MAP2K6: variants seen among roughly 807,000 people sequenced by gnomAD.
MAP2K6 encodes dual specificity mitogen-activated protein kinase kinase 6.
In MAP2K6, 16 loss-of-function variants were observed where a neutral mutation model predicts 53.7. That is an observed-to-expected ratio of 0.30 (90% confidence interval 0.20 to 0.45). The LOEUF (loss-of-function observed/expected upper bound fraction) is 0.45, where lower values mean the gene tolerates loss of function less well. Among genes scored for constraint, MAP2K6 ranks in the 20% least tolerant of loss-of-function variants. The probability of loss-of-function intolerance (pLI) is 1.00; values close to 1 mark genes in which losing one functional copy is unlikely to be tolerated. For synonymous variants in MAP2K6, 132 were observed against 143.1 expected (o/e 0.92, Z 0.55); for missense variants, 204 against 411.9 (o/e 0.50, Z 4.37).
intron 1 of MAP2K6, among the ~76,000 whole-genome samples, chr17:69,439,407 G>A (rs1906749365): frequency 6.6e-6 from 1 of 152,126 alleles, no homozygotes; most frequent in Non-Finnish European, 1.5e-5. Flanking sequence ...TCTATTCTGA[G>A]AAATAACAAT....
In MAP2K6 at chr17:69,426,122, C is replaced by G. The variant is rs1906269126; in HGVS notation, c.16+11122C>G. Among the ~76,000 whole-genome samples, 3 of 152,346 alleles carry G rather than the reference C, an allele frequency of 2.0e-5. No individual in the cohort carries two copies. The South Asian group carries it at 6.2e-4, about 32-fold the overall frequency. ...GCCCAGTCTGGCCTCAACTCTTGGG[C>G]TCAAACATCCTCCTGTGTAGCTGGG... On this transcript the variant is annotated intron_variant, in intron 1 of 11. Transcript: ENST00000590474.
chr17:69,441,828 C>T (rs952453409), intron 1 of MAP2K6, among the ~76,000 whole-genome samples: 1 of 152,128 alleles, frequency 6.6e-6, no homozygotes, highest in African/African-American at 2.4e-5. Context: ...TCTAGATTCT[C>T]CACGGGGCCT....
intron 1 of MAP2K6, among the ~76,000 whole-genome samples, chr17:69,486,220 G>A (rs894819873): frequency 2.6e-5 from 4 of 152,162 alleles, no homozygotes; most frequent in Non-Finnish European, 5.9e-5. Context: ...TCGTATTCTG[G>A]CTACAGGGCT....
intron 1 of MAP2K6, among the ~76,000 whole-genome samples, chr17:69,486,947 C>T (rs1009048846): frequency 6.6e-6 from 1 of 152,172 alleles, no homozygotes; most frequent in Admixed American, 6.5e-5. Context: ...GAACCAAAGT[C>T]CAGGAAGGTG....
In MAP2K6 at chr17:69,551,683, A is replaced by G. The variant is rs1912106373; in HGVS notation, c.*9930A>G. ...TGATTTATTCTTTAGTCTCAAATTT[A>G]TTTTCTGAGTGGACTGATTTTCTAT... is the stretch of plus-strand genomic sequence containing the variant. On this transcript the variant is annotated 3_prime_UTR_variant, in exon 12 of 12. Transcript: ENST00000590474. The G allele has an allele frequency of 6.6e-6, 1 of 151,994 alleles. No individual in the cohort carries two copies. The highest frequency in any genetic ancestry group is 1.5e-5 in the Non-Finnish European group (1 of 67,986). The allele number at this position is 151,994 out of a possible 1,614,324, so 9.4% of individuals were successfully genotyped here.
intron 1 of MAP2K6, among the ~76,000 whole-genome samples, chr17:69,456,622 A>C (rs375148708): frequency 1.3e-5 from 2 of 152,270 alleles, no homozygotes; most frequent in African/African-American, 4.8e-5. Context: ...AGTGGGGTCT[A>C]GGCATCTGGT....
chr17:69,503,906 AGAAGTTGCGTGATGCGTG>A (rs1358086453), intron 1 of MAP2K6, among the ~76,000 whole-genome samples: 1 of 152,220 alleles, frequency 6.6e-6, no homozygotes, highest in Non-Finnish European at 1.5e-5. Flanking sequence ...AAGTGATTCT[AGAAGTTGCGTGATGCGTG>A]GAAGAACCAG....
At chr17:69,496,971 G>A (rs1490539354) in intron 1 of MAP2K6, among the ~76,000 whole-genome samples, 1 of 152,014 alleles carries the variant, frequency 6.6e-6, no homozygotes, top group African/African-American at 2.4e-5. Flanking sequence ...ACTATTACTA[G>A]TAGCAATACT....
chr17:69,528,836 G>A (rs907795120), intron 10 of MAP2K6, among the ~76,000 whole-genome samples: 9 of 133,658 alleles, frequency 6.7e-5, no homozygotes, highest in Non-Finnish European at 1.2e-4. Context: ...TCCAGCCTGG[G>A]TGATAAGAGA....
intron 1 of MAP2K6, among the ~76,000 whole-genome samples, chr17:69,467,549 CTGAGTCT>C (rs557656846): frequency 4.0e-4 from 61 of 152,290 alleles, no homozygotes; most frequent in Admixed American, 1.1e-3. Flanking sequence ...CAGCTCTGGA[CTGAGTCT>C]TTTTCCATTT....
chr17:69,488,883 C>G lies in MAP2K6; in HGVS notation c.17-16897C>G, dbSNP rs189575210. Among the ~76,000 whole-genome samples the G allele has an allele frequency of 6.3e-3, 959 of 152,146 alleles. 13 individuals carry two copies. Among genetic ancestry groups the G allele is most frequent in the African/African-American group, 0.022 (916 of 41,512 alleles). ...CATAAAATATACCCATGTAACAAAC[C>G]TGCACATGTACCTCCTGAATCTAAA... On this transcript the variant is annotated intron_variant, in intron 1 of 11. Transcript: ENST00000590474.
At chr17:69,429,076 G>C (rs371864450) in intron 1 of MAP2K6, among the ~76,000 whole-genome samples, 12 of 152,024 alleles carry the variant, frequency 7.9e-5, no homozygotes, top group African/African-American at 2.9e-4. Flanking sequence ...AGGACTTGGT[G>C]GTTGGGAGAA....
At chr17:69,471,487 GAA>G (rs1159387087) in intron 1 of MAP2K6, among the ~76,000 whole-genome samples, 2 of 152,136 alleles carry the variant, frequency 1.3e-5, no homozygotes, top group East Asian at 3.8e-4. Flanking sequence ...CATAAAGATG[GAA>G]ATAATAGACA....
chr17:69,493,894 G>A (rs754995915), intron 1 of MAP2K6, among the ~76,000 whole-genome samples: 5 of 152,204 alleles, frequency 3.3e-5, no homozygotes, highest in Non-Finnish European at 7.3e-5. Flanking sequence ...TTAATTTGCT[G>A]AGGGATTATT....
At chr17:69,425,141 TG>T (rs1340681560) in intron 1 of MAP2K6, among the ~76,000 whole-genome samples, 1 of 152,176 alleles carries the variant, frequency 6.6e-6, no homozygotes, top group South Asian at 2.1e-4. Flanking sequence ...TTTTTCTTCC[TG>T]GTTGTTTCTA....
At chr17:69,537,113 T>G (rs1911399665) in intron 11 of MAP2K6, among the ~76,000 whole-genome samples, 1 of 143,008 alleles carries the variant, frequency 7.0e-6, no homozygotes, top group Non-Finnish European at 1.5e-5. Flanking sequence ...CAAACAAAAC[T>G]CTGGTAACTA....
At chr17:69,453,546 G>A (rs893811526) in intron 1 of MAP2K6, among the ~76,000 whole-genome samples, 9 of 152,082 alleles carry the variant, frequency 5.9e-5, no homozygotes, top group African/African-American at 1.7e-4. Flanking sequence ...CTTTATTTTG[G>A]CCTCTTTCTC....
chr17:69,517,394 A>G, intron 3 of MAP2K6, 106 bp from the exon 4 acceptor site: 1 of 566,250 alleles, frequency 1.8e-6, no homozygotes, highest in African/African-American at 1.9e-5. Flanking sequence ...CTTCTGGCCC[A>G]GAAATAATCC....
intron 11 of MAP2K6, among the ~76,000 whole-genome samples, chr17:69,538,781 C>T (rs561054005): frequency 9.2e-5 from 14 of 152,132 alleles, no homozygotes; most frequent in Non-Finnish European, 1.5e-5. Context: ...GAGTATGACT[C>T]AGTAGAATTT....
Sources: gnomAD v4.1 joint callset for allele counts (sites outside exome capture counted in the v4.1 genomes callset) on GRCh38, gnomAD v4.1.1 for gene constraint, MANE v1.5 for transcripts, NCBI Gene and HGNC (gene_info 2026-07-23, HGNC 2026-07-21) for gene names.